Variants in PALMD observed in about 807,000 individuals in gnomAD.
The protein encoded by PALMD is paralemmin-like protein.
In PALMD, 42 loss-of-function variants were observed where a neutral mutation model predicts 56.2. That is an observed-to-expected ratio of 0.75 (90% confidence interval 0.58 to 0.97). The LOEUF is 0.97. PALMD is among the 50% of genes least tolerant of loss of function. PALMD has a pLI of 0.00. For missense variants in PALMD, 660 were observed against 643.8 expected (o/e 1.03, Z -0.27); for synonymous variants, 242 against 222.9 (o/e 1.09, Z -0.76).
At chr1:99,657,731 C>T (rs115126917) in intron 1 of PALMD, among the ~76,000 whole-genome samples, 1,626 of 152,292 alleles carry the variant, frequency 0.011, 29 homozygotes, top group African/African-American at 0.037. Context: ...TTGTTCTTAA[C>T]TTCCTGCCAC....
chr1:99,689,188 T>C lies in PALMD; in HGVS notation c.928T>C (p.Ser310Pro). 1 of 1,613,578 alleles carries C rather than the reference T, an allele frequency of 6.2e-7. No individual in the cohort carries two copies. Among genetic ancestry groups the C allele is most frequent in the South Asian group, 1.1e-5 (1 of 91,052 alleles). ...ESIHNMGNGL[S>P]EERGNNFNHI... Reference sequence around the variant, plus strand: ...CATACACAATATGGGCAATGGTCTTTCAGAGGAAAGGGGAAACAACTTCAA... The same window carrying C: ...CATACACAATATGGGCAATGGTCTTCCAGAGGAAAGGGGAAACAACTTCAA... Residue 310 changes from serine to proline, a missense_variant, in exon 7 of 8, where the codon TCA becomes CCA. Transcript: ENST00000263174.
At chr1:99,670,910 CA>C (rs949963301) in intron 3 of PALMD, among the ~76,000 whole-genome samples, 3 of 151,962 alleles carry the variant, frequency 2.0e-5, no homozygotes, top group African/African-American at 7.3e-5. Context: ...AACAAAAAAA[CA>C]AAAAAACAAA....
chr1:99,686,865 C>T, intron 4 of PALMD, 65 bp from the exon 5 acceptor site: 1 of 1,366,998 alleles, frequency 7.3e-7, no homozygotes. Context: ...TTTTTCAAAG[C>T]ATATCCACAT....
chr1:99,653,400 G>A (rs1652640314), intron 1 of PALMD, among the ~76,000 whole-genome samples: 1 of 152,030 alleles, frequency 6.6e-6, no homozygotes, highest in Non-Finnish European at 1.5e-5. Context: ...AACAAGATAG[G>A]GTAGACAAAG....
intron 1 of PALMD, among the ~76,000 whole-genome samples, chr1:99,658,026 C>T (rs1310096998): frequency 6.6e-6 from 1 of 152,166 alleles, no homozygotes; most frequent in Non-Finnish European, 1.5e-5. Context: ...TGTTGGCTGG[C>T]ACAGTGGCTC....
chr1:99,663,604 TCACA>T (rs1482513251), intron 2 of PALMD, among the ~76,000 whole-genome samples: 1 of 151,296 alleles, frequency 6.6e-6, no homozygotes, highest in South Asian at 2.1e-4. Flanking sequence ...ACACACACAA[TCACA>T]CACACAATAC....
intron 2 of PALMD, among the ~76,000 whole-genome samples, chr1:99,664,832 G>T (rs1652924788): frequency 6.6e-6 from 1 of 152,052 alleles, no homozygotes; most frequent in South Asian, 2.1e-4. Flanking sequence ...ATACTTCAGT[G>T]ACACACATTA....
chr1:99,658,054 A>C (rs1282890472), intron 1 of PALMD, among the ~76,000 whole-genome samples: 2 of 152,190 alleles, frequency 1.3e-5, no homozygotes, highest in Admixed American at 1.3e-4. Context: ...TAATCCCAGC[A>C]CTTTGGGAGG....
intron 1 of PALMD, among the ~76,000 whole-genome samples, chr1:99,658,595 C>A (rs1351975479): frequency 6.6e-6 from 1 of 151,966 alleles, no homozygotes; most frequent in Admixed American, 6.6e-5. Context: ...CACAGTGAAA[C>A]CCCGTCTCTA....
chr1:99,675,869 C>G lies in PALMD; in HGVS notation c.251+8103C>G, dbSNP rs906773038. Among the ~76,000 whole-genome samples, 30 of 152,120 alleles carry G rather than the reference C, an allele frequency of 2.0e-4. 1 individual carries two copies. The highest frequency in any genetic ancestry group is 4.4e-5 in the Non-Finnish European group (3 of 68,022). On this transcript the variant is annotated intron_variant, in intron 3 of 7. Transcript: ENST00000263174. Reference sequence around the variant, plus strand: ...CTTCTAACGTTGCATGCCTACACGGCAGTTTCAAATTAGGATACTATCATC... The same window carrying G: ...CTTCTAACGTTGCATGCCTACACGGGAGTTTCAAATTAGGATACTATCATC...
intron 3 of PALMD, among the ~76,000 whole-genome samples, chr1:99,683,078 GAGAGAGAGAGAGAAAGAAAGAAAGAA>G (rs1557673844): frequency 1.1e-3 from 22 of 19,590 alleles, no homozygotes; most frequent in African/African-American, 2.9e-3. Flanking sequence ...GAGAGAGAGA[GAGAGAGAGAGAGAAAGAAAGAAAGAA>G]AGAAAGAAAG....
chr1:99,694,155 GT>G lies in PALMD; in HGVS notation c.*94del. ...GGATATTTTGTTTATTTTTTCTGAA[GT>G]CCAAAAAATTATCATTACAGTGTAC... On this transcript the variant is annotated 3_prime_UTR_variant, in exon 8 of 8. Coordinates refer to ENST00000263174, the MANE Select transcript of PALMD (RefSeq NM_017734.5). 2.3e-6 allele frequency: 2 copies of G among 867,018 alleles called. No individual in the cohort carries two copies. The allele number at this position is 867,018 out of a possible 1,614,324, so 53.7% of individuals were successfully genotyped here.
At chr1:99,670,141 T>C (rs892077925) in intron 3 of PALMD, among the ~76,000 whole-genome samples, 1 of 152,186 alleles carries the variant, frequency 6.6e-6, no homozygotes, top group Non-Finnish European at 1.5e-5. Flanking sequence ...CCAACCACAC[T>C]TAGGGTCTCC....
At chr1:99,672,122 A>G (rs990293930) in intron 3 of PALMD, among the ~76,000 whole-genome samples, 2 of 152,194 alleles carry the variant, frequency 1.3e-5, no homozygotes, top group African/African-American at 4.8e-5. Flanking sequence ...ATAACCTTTA[A>G]GTAAAGCATA....
chr1:99,683,118 GA>G (rs1206314832), intron 3 of PALMD: 1 of 116,350 alleles, frequency 8.6e-6, no homozygotes, highest in Non-Finnish European at 1.7e-5. Flanking sequence ...AAGAAAGAAA[GA>G]AAGAAAGAAA....
intron 1 of PALMD, among the ~76,000 whole-genome samples, chr1:99,659,565 C>T (rs3766581): frequency 0.058 from 8,820 of 152,242 alleles, 308 homozygotes; most frequent in Middle Eastern, 0.16. Context: ...CAATGAAAAA[C>T]TGGGAAGAAA....
intron 2 of PALMD, among the ~76,000 whole-genome samples, chr1:99,665,646 C>A (rs553122027): frequency 2.6e-5 from 4 of 152,066 alleles, no homozygotes; most frequent in African/African-American, 9.7e-5. Context: ...TAAGACCACC[C>A]CATCTGAGTG....
At chr1:99,663,604 T>TCA (rs1482513251) in intron 2 of PALMD, among the ~76,000 whole-genome samples, 3 of 151,296 alleles carry the variant, frequency 2.0e-5, no homozygotes, top group Non-Finnish European at 4.4e-5. Flanking sequence ...ACACACACAA[T>TCA]CACACACACA....
intron 1 of PALMD, among the ~76,000 whole-genome samples, chr1:99,660,525 C>T (rs1162902624): frequency 6.6e-6 from 1 of 152,126 alleles, no homozygotes; most frequent in Non-Finnish European, 1.5e-5. Context: ...AAATAACAAC[C>T]TCTAGAGAGA....
Sources: allele counts gnomAD v4.1 joint callset (sites outside exome capture counted in the v4.1 genomes callset), GRCh38; gene constraint gnomAD v4.1.1; transcripts MANE v1.5; gene names NCBI Gene and HGNC (gene_info 2026-07-23, HGNC 2026-07-21).